The following KIF16B variants were observed in gnomAD, a reference collection of about 807,000 sequenced individuals.
The protein encoded by KIF16B is kinesin-like protein KIF16B.
KIF16B carries 98 observed loss-of-function variants against 156.3 expected under a neutral mutation model. That is an observed-to-expected ratio of 0.63 (90% CI 0.53 to 0.74). The LOEUF (loss-of-function observed/expected upper bound fraction) is 0.74, where lower values mean the gene tolerates loss of function less well. KIF16B is among the 30% of genes least tolerant of loss of function. The pLI is 0.00. For synonymous variants in KIF16B, 564 were observed against 583.7 expected, an observed-to-expected ratio of 0.97 and a Z score of 0.49; for missense variants, 1,421 against 1,606.5, an observed-to-expected ratio of 0.88 and a Z score of 1.97.
chr20:16,553,860 G>A (rs1475675906), intron 1 of KIF16B, among the ~76,000 whole-genome samples: 4 of 152,114 alleles, frequency 2.6e-5, no homozygotes, highest in African/African-American at 9.7e-5. Context: ...GCAGACAGGA[G>A]CCCAAAGCAG....
intron 12 of KIF16B, among the ~76,000 whole-genome samples, chr20:16,474,956 A>G (rs925457980): frequency 2.6e-5 from 4 of 152,220 alleles, no homozygotes; most frequent in Admixed American, 2.0e-4. Context: ...TGGTTTCTCT[A>G]CCAGACAAAA....
intron 22 of KIF16B, chr20:16,368,969 A>C: frequency 1.0e-6 from 1 of 985,836 alleles, no homozygotes. Context: ...TTAAGAAAAG[A>C]GATTTTAGGT....
intron 12 of KIF16B, among the ~76,000 whole-genome samples, chr20:16,475,556 T>C (rs6111154): frequency 0.38 from 57,653 of 152,120 alleles, 12,545 homozygotes; most frequent in African/African-American, 0.6. Context: ...GCTCCACAGA[T>C]CAGCCGGGAA....
intron 15 of KIF16B, among the ~76,000 whole-genome samples, chr20:16,414,596 G>A (rs1182357355): frequency 6.6e-6 from 1 of 152,022 alleles, no homozygotes; most frequent in African/African-American, 2.4e-5. Flanking sequence ...TTTCAATCTT[G>A]GCTACTGAAG....
At chr20:16,322,542 A>T (rs1020227395) in intron 24 of KIF16B, among the ~76,000 whole-genome samples, 2 of 152,048 alleles carry the variant, frequency 1.3e-5, no homozygotes, top group Admixed American at 1.3e-4. Context: ...AGCTATATGT[A>T]TATGTATGCA....
intron 23 of KIF16B, among the ~76,000 whole-genome samples, chr20:16,351,315 G>A (rs775401221): frequency 2.0e-5 from 3 of 152,138 alleles, no homozygotes; most frequent in Non-Finnish European, 4.4e-5. Flanking sequence ...GTCTCTGCTC[G>A]TCTTAACCAT....
At chr20:16,315,634 C>T (rs1463303348) in intron 24 of KIF16B, among the ~76,000 whole-genome samples, 1 of 152,160 alleles carries the variant, frequency 6.6e-6, no homozygotes, top group Non-Finnish European at 1.5e-5. Context: ...GGACCTGCAC[C>T]CTTGCCCAGG....
At chr20:16,355,916 A>G (rs1189306716) in intron 23 of KIF16B, among the ~76,000 whole-genome samples, 1 of 152,240 alleles carries the variant, frequency 6.6e-6, no homozygotes, top group Non-Finnish European at 1.5e-5. Context: ...TTCCTGTGAC[A>G]TAAATATTAT....
At chr20:16,502,289 T>C (rs1052740421) in intron 10 of KIF16B, among the ~76,000 whole-genome samples, 9 of 152,184 alleles carry the variant, frequency 5.9e-5, no homozygotes, top group Non-Finnish European at 1.3e-4. Flanking sequence ...ATTCTAGGAA[T>C]AGAGCAATAC....
intron 8 of KIF16B, 37 bp from the exon 9 acceptor site, chr20:16,505,890 T>A: frequency 6.2e-7 from 1 of 1,608,036 alleles, no homozygotes; most frequent in Non-Finnish European, 8.5e-7. Context: ...GAAAGGACAA[T>A]TAGTAAAATT....
intron 17 of KIF16B, among the ~76,000 whole-genome samples, chr20:16,394,573 T>C (rs1490970621): frequency 1.3e-5 from 2 of 152,032 alleles, no homozygotes; most frequent in Non-Finnish European, 2.9e-5. Flanking sequence ...TGCAGCAAAC[T>C]AAACTTTTGA....
At position 16,410,228 on chromosome 20, in the gene KIF16B, T is replaced by C. The variant is rs1264676106; in HGVS notation, c.1613-3772A>G. ...AGGTACATATACATGTAGGTACATA[T>C]ACATATATGTAGGTACATATATATA... On this transcript the variant is annotated intron_variant, in intron 15 of 25. Transcript: ENST00000354981. Among the ~76,000 whole-genome samples, 4 of 145,594 alleles carry C rather than the reference T, an allele frequency of 2.7e-5. No individual in the cohort carries two copies. The East Asian group carries it at 8.5e-4, about 31-fold the overall frequency.
chr20:16,534,624 C>T (rs2069885558), intron 1 of KIF16B, among the ~76,000 whole-genome samples: 1 of 152,162 alleles, frequency 6.6e-6, no homozygotes, highest in Non-Finnish European at 1.5e-5. Flanking sequence ...ATGTTCTCTT[C>T]TAGTAGTTTT....
chr20:16,518,437 T>C (rs575897191), intron 3 of KIF16B, among the ~76,000 whole-genome samples: 36 of 152,166 alleles, frequency 2.4e-4, no homozygotes, highest in Non-Finnish European at 4.3e-4. Flanking sequence ...GCTGATTTCC[T>C]GGGTAATCCA....
chr20:16,360,801 T>C (rs2064537039), intron 22 of KIF16B, among the ~76,000 whole-genome samples: 1 of 152,194 alleles, frequency 6.6e-6, no homozygotes, highest in African/African-American at 2.4e-5. Context: ...AGGTACATTG[T>C]AAATATTCAG....
In KIF16B at chr20:16,573,398, C is replaced by G. The variant is rs903622894; in HGVS notation, c.-123G>C. The G allele has an allele frequency of 6.3e-6, 7 of 1,102,632 alleles. No homozygotes were observed. The highest frequency in any genetic ancestry group is 2.6e-5 in the East Asian group (1 of 37,870). 68.3% of individuals were successfully genotyped at this position (1,102,632 alleles called of 1,614,324 possible). On this transcript the variant is annotated 5_prime_UTR_variant, in exon 1 of 26. Transcript: ENST00000354981. ...CCTCTCGCCCCCGCCCCTCTGCTCC[C>G]GGCCGGACCTGGAGTTCCGCGGCAG...
At chr20:16,368,653 AT>A in intron 22 of KIF16B, 1 of 985,878 alleles carries the variant, frequency 1.0e-6, no homozygotes, top group South Asian at 4.7e-5. Context: ...CGATGAGCTC[AT>A]TTTTTTAGCA....
At chr20:16,299,193 G>C (rs933921792) in intron 25 of KIF16B, among the ~76,000 whole-genome samples, 1 of 152,012 alleles carries the variant, frequency 6.6e-6, no homozygotes, top group Non-Finnish European at 1.5e-5. Context: ...TATGATGCCT[G>C]ATATTTGCTT....
intron 23 of KIF16B, among the ~76,000 whole-genome samples, chr20:16,348,672 G>C (rs1168668510): frequency 6.6e-6 from 1 of 152,190 alleles, no homozygotes; most frequent in African/African-American, 2.4e-5. Context: ...AATACAGCCA[G>C]TAAATAAGCA....
Sources: allele counts gnomAD v4.1 joint callset (sites outside exome capture counted in the v4.1 genomes callset), GRCh38; gene constraint gnomAD v4.1.1; transcripts MANE v1.5; gene names NCBI Gene and HGNC (gene_info 2026-07-23, HGNC 2026-07-21).